Variants in SPATA13 observed in about 807,000 individuals in gnomAD.
SPATA13 encodes the protein spermatogenesis associated 13.
A neutral mutation model predicts 104.0 loss-of-function variants in SPATA13; 50 were observed. That is an observed-to-expected ratio of 0.48 (90% CI 0.38 to 0.61). The LOEUF is 0.61. Ranked by LOEUF, SPATA13 falls within the 20% of genes least tolerant of loss-of-function variation. SPATA13 has a pLI of 0.00. For missense variants in SPATA13, 1,524 were observed against 1,690.6 expected (o/e 0.90, Z 1.73); for synonymous variants, 606 against 667.5 (o/e 0.91, Z 1.42).
upstream of SPATA13, among the ~76,000 whole-genome samples, chr13:24,157,969 A>G (rs1282574798): frequency 1.3e-5 from 2 of 152,218 alleles, no homozygotes; most frequent in Non-Finnish European, 2.9e-5. Context: ...AGGATTTAAG[A>G]AAATGATGAA....
rs775864643 is a variant in SPATA13 at position 24,297,605 on chromosome 13, T to C, written c.3453T>C (p.Asn1151=). Residue 1151 remains asparagine (N), a synonymous_variant, in exon 11 of 13, where the codon AAT becomes AAC. Transcript: ENST00000382108. ...RDKDCNLSVK[N]AFKLVSRTTD... is the part of the protein sequence containing the mutation. ...AGGACTGCAACCTCAGCGTGAAAAATGCCTTCAAGCTCGTCAGTAGGACCA... is the reference window on the plus strand; with the variant it reads ...AGGACTGCAACCTCAGCGTGAAAAACGCCTTCAAGCTCGTCAGTAGGACCA... 6.2e-7 allele frequency: 1 copy of C among 1,614,066 alleles called. No homozygotes were observed. The highest frequency in any genetic ancestry group is 8.5e-7 in the Non-Finnish European group (1 of 1,180,012).
chr13:24,249,538 A>G lies in SPATA13; in HGVS notation c.1715A>G (p.Gln572Arg). Residue 572 changes from glutamine (Q) to arginine (R), a missense_variant, in exon 3 of 13, where the codon CAG becomes CGG. By Grantham distance (43) the Gln-to-Arg change is conservative. Around this residue, in one of 2 missense-constraint regions of SPATA13, gnomAD observed 1,089 missense variants for 1,135.9 expected, o/e 0.96. Coordinates refer to ENST00000382108, the MANE Select transcript of SPATA13 (RefSeq NM_001166271.3). ...CAGGATGAGGAAAGGACAGAGGCAC[A>G]GAGAACCCCCAAGAGGAGATGGGGC... ...SSQDEERTEA[Q>R]RTPKRRWGSG... 11 of 1,612,022 alleles carry G rather than the reference A, an allele frequency of 6.8e-6. No homozygotes were observed. The highest frequency in any genetic ancestry group is 9.3e-6 in the Non-Finnish European group (11 of 1,178,982).
intron 3 of SPATA13, among the ~76,000 whole-genome samples, chr13:24,139,755 C>T (rs887856981): frequency 2.0e-5 from 3 of 152,154 alleles, no homozygotes; most frequent in Non-Finnish European, 4.4e-5. Flanking sequence ...AATTGATGTA[C>T]CTGTTTTTGT....
At chr13:24,299,362 G>A (rs1370127832) in intron 11 of SPATA13, among the ~76,000 whole-genome samples, 1 of 152,230 alleles carries the variant, frequency 6.6e-6, no homozygotes, top group Non-Finnish European at 1.5e-5. Flanking sequence ...GAGCCAGTAA[G>A]TCTGTGAACT....
intron 1 of SPATA13, among the ~76,000 whole-genome samples, chr13:24,208,422 G>A (rs7323885): frequency 0.68 from 102,809 of 152,170 alleles, 35,001 homozygotes; most frequent in South Asian, 0.83. Flanking sequence ...GTGAAACAGT[G>A]TAATTCATAA....
At chr13:24,147,918 A>G (rs1881985842) in intron 3 of SPATA13, among the ~76,000 whole-genome samples, 1 of 152,162 alleles carries the variant, frequency 6.6e-6, no homozygotes, top group Non-Finnish European at 1.5e-5. Flanking sequence ...ATGTTGTAGC[A>G]TGTGTCTGAA....
intron 3 of SPATA13, among the ~76,000 whole-genome samples, chr13:24,091,393 C>G (rs974606109): frequency 6.6e-6 from 1 of 152,234 alleles, no homozygotes; most frequent in Non-Finnish European, 1.5e-5. Flanking sequence ...TCTGGTATCA[C>G]CACTTCAAAA....
intron 3 of SPATA13, among the ~76,000 whole-genome samples, chr13:24,139,941 A>G (rs957049993): frequency 2.3e-4 from 35 of 152,032 alleles, no homozygotes; most frequent in South Asian, 4.2e-4. Flanking sequence ...GGTGGCGGGC[A>G]CCTGTAGTCC....
chr13:24,301,652 G>A (rs947229), intron 12 of SPATA13, among the ~76,000 whole-genome samples: 58,557 of 152,072 alleles, frequency 0.39, 11,839 homozygotes, highest in East Asian at 0.59. Context: ...ACCTCGGGAG[G>A]TAGGGAGAGC....
At chr13:24,067,061 G>C (rs1349208824) in intron 3 of SPATA13, among the ~76,000 whole-genome samples, 1 of 152,146 alleles carries the variant, frequency 6.6e-6, no homozygotes, top group Non-Finnish European at 1.5e-5. Flanking sequence ...AGATGAAGTT[G>C]GTTGCATTTC....
chr13:24,116,922 G>A (rs939543768), intron 3 of SPATA13, among the ~76,000 whole-genome samples: 3 of 152,226 alleles, frequency 2.0e-5, no homozygotes, highest in South Asian at 2.1e-4. Context: ...TCTGCAATGT[G>A]AGGACACAGT....
At chr13:24,195,065 G>A (rs1049536113) in intron 1 of SPATA13, among the ~76,000 whole-genome samples, 1 of 152,080 alleles carries the variant, frequency 6.6e-6, no homozygotes, top group African/African-American at 2.4e-5. Flanking sequence ...GACCTTTTTA[G>A]CACCCCGCAA....
intron 12 of SPATA13, among the ~76,000 whole-genome samples, chr13:24,302,261 CT>C (rs541703339): frequency 1.7e-4 from 26 of 152,004 alleles, no homozygotes; most frequent in Non-Finnish European, 3.5e-4. Flanking sequence ...ACTGGACCTT[CT>C]TTTTGGTTAA....
chr13:24,166,319 G>T (rs1180203067), intron 1 of SPATA13, among the ~76,000 whole-genome samples: 1 of 152,204 alleles, frequency 6.6e-6, no homozygotes, highest in Non-Finnish European at 1.5e-5. Context: ...GTGGCAGTCA[G>T]TTAGGGGAGA....
intron 3 of SPATA13, among the ~76,000 whole-genome samples, chr13:24,071,832 C>G (rs1302742192): frequency 6.6e-6 from 1 of 152,146 alleles, no homozygotes; most frequent in Admixed American, 6.5e-5. Flanking sequence ...AAAGTTTTAA[C>G]TTTGTAAGAC....
intron 1 of SPATA13, among the ~76,000 whole-genome samples, chr13:24,190,746 C>T (rs927689401): frequency 6.6e-6 from 1 of 152,056 alleles, no homozygotes; most frequent in African/African-American, 2.4e-5. Flanking sequence ...ACGGAAACTA[C>T]CTCTGGTGAA....
intron 3 of SPATA13, among the ~76,000 whole-genome samples, chr13:24,131,293 C>T (rs1881383117): frequency 6.6e-6 from 1 of 152,168 alleles, no homozygotes; most frequent in South Asian, 2.1e-4. Context: ...CCAGCTAGTC[C>T]TCTTTCCTAT....
intron 4 of SPATA13, among the ~76,000 whole-genome samples, chr13:24,265,059 G>A (rs1210040218): frequency 6.6e-6 from 1 of 152,224 alleles, no homozygotes; most frequent in East Asian, 1.9e-4. Flanking sequence ...AAGGCATGAA[G>A]AGAGGCACTT....
intron 5 of SPATA13, among the ~76,000 whole-genome samples, chr13:24,284,919 A>G (rs2138731116): frequency 6.6e-6 from 1 of 152,268 alleles, no homozygotes; most frequent in East Asian, 1.9e-4. Context: ...AAAGATGTCT[A>G]ATTACTGGCT....
Sources: gnomAD v4.1 joint callset for allele counts (sites outside exome capture counted in the v4.1 genomes callset) on GRCh38, gnomAD v4.1.1 for gene constraint, gnomAD v4.1.1 regional missense constraint, MANE v1.5 for transcripts, NCBI Gene and HGNC (gene_info 2026-07-23, HGNC 2026-07-21) for gene names.